GRM7: variants seen among roughly 807,000 people sequenced by gnomAD.
GRM7 encodes the protein metabotropic glutamate receptor 7.
In GRM7, 35 loss-of-function variants were observed where a neutral mutation model predicts 84.5. That is an observed-to-expected ratio of 0.41 (90% CI 0.32 to 0.55). The LOEUF (loss-of-function observed/expected upper bound fraction) is 0.55, where lower values mean the gene tolerates loss of function less well. Among genes scored for constraint, GRM7 ranks in the 20% least tolerant of loss-of-function variants. The pLI is 0.19. For synonymous variants in GRM7, 487 were observed against 455.1 expected (o/e 1.07, Z -0.89); for missense variants, 1,003 against 1,194.6 (o/e 0.84, Z 2.36).
intron 7 of GRM7, among the ~76,000 whole-genome samples, chr3:7,471,019 A>G (rs1698679285): frequency 2.6e-5 from 4 of 151,534 alleles, no homozygotes; most frequent in Admixed American, 6.6e-5. Context: ...TGCTTGAGGA[A>G]ATCATTTAAC....
intron 7 of GRM7, among the ~76,000 whole-genome samples, chr3:7,506,872 G>A (rs915330241): frequency 2.6e-5 from 4 of 152,152 alleles, no homozygotes; most frequent in Non-Finnish European, 4.4e-5. Flanking sequence ...TGAGAGATGA[G>A]GGATTAAGTT....
At chr3:7,049,047 C>G (rs963375917) in intron 1 of GRM7, among the ~76,000 whole-genome samples, 10 of 151,924 alleles carry the variant, frequency 6.6e-5, no homozygotes, top group Admixed American at 1.3e-4. Context: ...AAATTATATT[C>G]AATCAATATT....
At chr3:7,481,634 T>C (rs990750760) in intron 7 of GRM7, among the ~76,000 whole-genome samples, 13 of 152,328 alleles carry the variant, frequency 8.5e-5, no homozygotes, top group African/African-American at 3.1e-4. Context: ...TAACTCTTAT[T>C]GCTATGTGTG....
chr3:7,668,452 C>T (rs1375456227), intron 8 of GRM7, among the ~76,000 whole-genome samples: 3 of 152,226 alleles, frequency 2.0e-5, no homozygotes, highest in Non-Finnish European at 4.4e-5. Context: ...CTCTCTCCTC[C>T]TCCTCCCTTT....
chr3:6,936,653 T>A, intron 1 of GRM7, among the ~76,000 whole-genome samples: 1 of 152,318 alleles, frequency 6.6e-6, no homozygotes, highest in East Asian at 1.9e-4. Flanking sequence ...AGGATGATAA[T>A]TGATTAGTCT....
At chr3:7,469,364 T>C (rs913202699) in intron 7 of GRM7, among the ~76,000 whole-genome samples, 2 of 152,272 alleles carry the variant, frequency 1.3e-5, no homozygotes, top group South Asian at 2.1e-4. Flanking sequence ...TTAAGGCCAG[T>C]CAGAAGAAAA....
intron 1 of GRM7, among the ~76,000 whole-genome samples, chr3:6,944,866 A>G (rs997823713): frequency 1.3e-5 from 2 of 152,084 alleles, no homozygotes; most frequent in African/African-American, 2.4e-5. Flanking sequence ...CAGGTTCTCT[A>G]TTTATTAAGT....
intron 1 of GRM7, among the ~76,000 whole-genome samples, chr3:6,999,655 C>T (rs1276040591): frequency 6.6e-6 from 1 of 152,166 alleles, no homozygotes; most frequent in African/African-American, 2.4e-5. Flanking sequence ...AGGAAACTTA[C>T]AATCATGGTG....
intron 1 of GRM7, among the ~76,000 whole-genome samples, chr3:6,978,830 C>T (rs959459412): frequency 6.6e-6 from 1 of 152,084 alleles, no homozygotes; most frequent in Admixed American, 6.6e-5. Context: ...TCTTCCAAGT[C>T]GAGAAGGCAG....
rs1249807311 is a variant in GRM7 at position 7,740,656 on chromosome 3, A to C, written c.*250A>C. On this transcript the variant is annotated 3_prime_UTR_variant, in exon 10 of 10. Coordinates refer to ENST00000357716, the MANE Select transcript of GRM7 (RefSeq NM_000844.4). ...TGCAATTGTGGACCTTCCCTACCAA[A>C]GGGAGTGTTGAAACTCAAGTCCCGC... 5.5e-6 allele frequency: 2 copies of C among 363,184 alleles called. No homozygotes were observed. The highest frequency in any genetic ancestry group is 9.8e-6 in the Non-Finnish European group (2 of 204,362). 22.5% of individuals were successfully genotyped at this position (363,184 alleles called of 1,614,324 possible). A position where few individuals can be genotyped will look rare whatever the true frequency, so the allele number is the denominator to read the frequency against.
At chr3:7,413,261 A>T (rs1201768158) in intron 4 of GRM7, among the ~76,000 whole-genome samples, 1 of 152,192 alleles carries the variant, frequency 6.6e-6, no homozygotes, top group African/African-American at 2.4e-5. Context: ...GTGTGTGCCT[A>T]ACCCAGAGAG....
intron 4 of GRM7, among the ~76,000 whole-genome samples, chr3:7,399,796 TC>T (rs1232542952): frequency 6.6e-6 from 1 of 152,118 alleles, no homozygotes; most frequent in Admixed American, 6.6e-5. Flanking sequence ...GCATACCAGC[TC>T]CCCGTCCCTT....
intron 8 of GRM7, among the ~76,000 whole-genome samples, chr3:7,615,582 TC>T (rs1209875220): frequency 6.6e-6 from 1 of 152,196 alleles, no homozygotes; most frequent in East Asian, 1.9e-4. Context: ...AAAACTGACT[TC>T]TGCTTCTGAG....
intron 1 of GRM7, among the ~76,000 whole-genome samples, chr3:6,921,807 A>G (rs1383305775): frequency 6.6e-6 from 1 of 152,126 alleles, no homozygotes; most frequent in Non-Finnish European, 1.5e-5. Context: ...TGGAATTCAG[A>G]ATGGCTTCTC....
At chr3:7,315,160 C>T (rs1700539875) in intron 4 of GRM7, among the ~76,000 whole-genome samples, 1 of 152,200 alleles carries the variant, frequency 6.6e-6, no homozygotes, top group Admixed American at 6.5e-5. Context: ...CTGATTGGTC[C>T]TGTGCTGGGA....
chr3:7,415,527 A>T (rs890772784), intron 5 of GRM7, among the ~76,000 whole-genome samples: 1 of 152,124 alleles, frequency 6.6e-6, no homozygotes, highest in Non-Finnish European at 1.5e-5. Context: ...GTTACCATGG[A>T]CAGTATACTT....
intron 1 of GRM7, among the ~76,000 whole-genome samples, chr3:7,006,089 C>T (rs979933358): frequency 1.3e-5 from 2 of 152,122 alleles, no homozygotes; most frequent in Admixed American, 6.6e-5. Flanking sequence ...CAACCTTCCC[C>T]CCTCCTGGCT....
At chr3:7,251,425 T>C (rs1378784331) in intron 2 of GRM7, among the ~76,000 whole-genome samples, 1 of 152,094 alleles carries the variant, frequency 6.6e-6, no homozygotes, top group Non-Finnish European at 1.5e-5. Context: ...TACTTTTTTT[T>C]CACAAAAAAA....
At chr3:7,680,846 G>C (rs918423775) in intron 9 of GRM7, 1 of 154,608 alleles carries the variant, frequency 6.5e-6, no homozygotes, top group African/African-American at 2.4e-5. Flanking sequence ...TCATACTGTG[G>C]GGAAAAACAT....
Sources: gnomAD v4.1 joint callset for allele counts (sites outside exome capture counted in the v4.1 genomes callset) on GRCh38, gnomAD v4.1.1 for gene constraint, MANE v1.5 for transcripts, NCBI Gene and HGNC (gene_info 2026-07-23, HGNC 2026-07-21) for gene names.